The following SPOP variants were observed in gnomAD, a reference collection of about 807,000 sequenced individuals.
The protein encoded by SPOP is speckle type BTB/POZ protein, also known as speckle-type POZ protein.
Under a neutral mutation model 45.6 loss-of-function variants are expected in SPOP, and 11 were observed. The observed-to-expected ratio is 0.24, with a 90% CI of 0.15 to 0.40. The LOEUF (loss-of-function observed/expected upper bound fraction) is 0.40. SPOP is among the 10% of genes least tolerant of loss of function. SPOP has a pLI of 1.00. For missense variants in SPOP, 152 were observed against 465.6 expected, an observed-to-expected ratio of 0.33 and a Z score of 6.20; for synonymous variants, 166 against 166.3, an observed-to-expected ratio of 1.00 and a Z score of 0.01.
intron 1 of SPOP, among the ~76,000 whole-genome samples, chr17:49,677,600 C>T (rs1040701200): frequency 6.6e-6 from 1 of 151,940 alleles, no homozygotes; most frequent in Middle Eastern, 3.2e-3. Context: ...GCAGCCCGAG[C>T]GCGTTCACAC....
At chr17:49,630,165 C>A (rs1297539921) in intron 1 of SPOP, among the ~76,000 whole-genome samples, 1 of 152,014 alleles carries the variant, frequency 6.6e-6, no homozygotes, top group Non-Finnish European at 1.5e-5. Flanking sequence ...ACAGAAGATG[C>A]CAAAAAGATT....
At chr17:49,673,233 C>G (rs887666229) in intron 1 of SPOP, among the ~76,000 whole-genome samples, 1 of 151,882 alleles carries the variant, frequency 6.6e-6, no homozygotes, top group South Asian at 2.1e-4. Flanking sequence ...CGGCTGGGCA[C>G]GGTGGCTCAC....
chr17:49,635,623 G>A (rs2072526553), intron 1 of SPOP, among the ~76,000 whole-genome samples: 1 of 149,720 alleles, frequency 6.7e-6, no homozygotes. Context: ...ATTTCTTTAA[G>A]GTATCTCTCT....
intron 1 of SPOP, among the ~76,000 whole-genome samples, chr17:49,627,614 G>C (rs1020200638): frequency 3.3e-5 from 5 of 152,088 alleles, no homozygotes; most frequent in African/African-American, 9.7e-5. Context: ...ACTTCAAACT[G>C]ATCTAACAAT....
At chr17:49,612,515 G>T (rs928096635) in intron 5 of SPOP, among the ~76,000 whole-genome samples, 1 of 152,180 alleles carries the variant, frequency 6.6e-6, no homozygotes, top group Non-Finnish European at 1.5e-5. Flanking sequence ...TCCCACTATG[G>T]CTTCAGCAGA....
rs978660984 is a variant in SPOP at position 49,599,435 on chromosome 17, A to T, written c.*943T>A. 2 of 224,690 alleles carry T rather than the reference A, an allele frequency of 8.9e-6. No homozygotes were observed. Among genetic ancestry groups the T allele is most frequent in the East Asian group, 1.3e-4 (2 of 15,594 alleles). The allele number at this position is 224,690 out of a possible 1,614,324, so 13.9% of individuals were successfully genotyped here. ...AAACAGCTGAGCAATCTGGGCTGGGATTTTATCACACAGCATTTTTAATTG... is the reference window on the plus strand; with the variant it reads ...AAACAGCTGAGCAATCTGGGCTGGGTTTTTATCACACAGCATTTTTAATTG... On this transcript the variant is annotated 3_prime_UTR_variant, in exon 10 of 10. Coordinates refer to ENST00000504102, the MANE Select transcript of SPOP (RefSeq NM_001007228.2).
chr17:49,641,123 C>T (rs2072639553), intron 1 of SPOP, among the ~76,000 whole-genome samples: 1 of 151,786 alleles, frequency 6.6e-6, no homozygotes, highest in African/African-American at 2.4e-5. Flanking sequence ...ATCAGCTGGG[C>T]GTGGTGGCAC....
chr17:49,657,318 A>G (rs2072926438), intron 1 of SPOP, among the ~76,000 whole-genome samples: 3 of 152,360 alleles, frequency 2.0e-5, no homozygotes, highest in South Asian at 4.1e-4. Context: ...AATATTGTAC[A>G]GCAATTCTAC....
intron 1 of SPOP, among the ~76,000 whole-genome samples, chr17:49,629,939 A>C (rs1303704052): frequency 2.0e-5 from 3 of 152,228 alleles, no homozygotes; most frequent in Non-Finnish European, 4.4e-5. Context: ...TTATATGACA[A>C]AAATAGTTGA....
intron 8 of SPOP, among the ~76,000 whole-genome samples, chr17:49,605,570 A>G (rs1473144386): frequency 6.6e-6 from 1 of 151,958 alleles, no homozygotes; most frequent in African/African-American, 2.4e-5. Context: ...CATGCCTGTA[A>G]TCTCAGCTAC....
At chr17:49,668,085 G>A (rs1013365337) in intron 1 of SPOP, 1 of 152,198 alleles carries the variant, frequency 6.6e-6, no homozygotes, top group Non-Finnish European at 1.5e-5. Context: ...GAGCCTGGGG[G>A]TGGGAGGAAA....
intron 1 of SPOP, among the ~76,000 whole-genome samples, chr17:49,660,611 C>T (rs2072974363): frequency 6.6e-6 from 1 of 152,006 alleles, no homozygotes; most frequent in Admixed American, 6.6e-5. Flanking sequence ...ATATTTAATG[C>T]CCCAGAAAGG....
At chr17:49,656,015 T>C (rs1449644799) in intron 1 of SPOP, among the ~76,000 whole-genome samples, 1 of 152,118 alleles carries the variant, frequency 6.6e-6, no homozygotes, top group Non-Finnish European at 1.5e-5. Flanking sequence ...TTTCTCCATG[T>C]TGGTCAGGCT....
intron 9 of SPOP, chr17:49,601,214 G>A (rs1442119084): frequency 6.6e-6 from 1 of 152,436 alleles, no homozygotes; most frequent in Non-Finnish European, 1.5e-5. Context: ...CTGTTGTGAG[G>A]GCTTTTCTTC....
intron 1 of SPOP, among the ~76,000 whole-genome samples, chr17:49,625,708 C>T (rs993305287): frequency 2.0e-5 from 3 of 152,102 alleles, no homozygotes; most frequent in African/African-American, 7.2e-5. Context: ...ATGTACAGTA[C>T]ATTATTTATG....
At chr17:49,626,297 ATTTTC>A (rs1567782562) in intron 1 of SPOP, among the ~76,000 whole-genome samples, 2 of 152,112 alleles carry the variant, frequency 1.3e-5, no homozygotes, top group African/African-American at 4.8e-5. Flanking sequence ...TAATAGTTTT[ATTTTC>A]TTAATTATTC....
At chr17:49,602,374 G>GTC (rs977083803) in intron 8 of SPOP, 1 of 183,524 alleles carries the variant, frequency 5.4e-6, no homozygotes, top group Non-Finnish European at 1.2e-5. Context: ...TCTGCTTCAC[G>GTC]TCAACAGGGC....
At chr17:49,650,643 T>A (rs551591071) in intron 1 of SPOP, among the ~76,000 whole-genome samples, 1 of 152,136 alleles carries the variant, frequency 6.6e-6, no homozygotes, top group African/African-American at 2.4e-5. Flanking sequence ...TATGAGTATT[T>A]TTGGAGATGA....
intron 1 of SPOP, among the ~76,000 whole-genome samples, chr17:49,649,197 C>A (rs537951666): frequency 8.9e-4 from 135 of 152,230 alleles, no homozygotes; most frequent in Non-Finnish European, 1.7e-3. Flanking sequence ...CAGCCAGAAG[C>A]GGTGGTGTCC....
Sources: allele counts gnomAD v4.1 joint callset (sites outside exome capture counted in the v4.1 genomes callset), GRCh38; gene constraint gnomAD v4.1.1; transcripts MANE v1.5; gene names NCBI Gene and HGNC (gene_info 2026-07-23, HGNC 2026-07-21).